OR1J2: variants seen among roughly 807,000 people sequenced by gnomAD.
OR1J2 encodes olfactory receptor 1J2.
For missense variants in OR1J2, 304 were observed against 246.1 expected, an observed-to-expected ratio of 1.24 and a Z score of -1.57; for synonymous variants, 142 against 99.7, an observed-to-expected ratio of 1.42 and a Z score of -2.52.
At chr9:122,559,674 T>G in the OR1J2 span, among the ~76,000 whole-genome samples, 3 of 145,172 alleles carry the variant, frequency 2.1e-5, no homozygotes, top group Non-Finnish European at 4.5e-5. Flanking sequence ...TTGATTTCAC[T>G]GTGGTCTGAG....
chr9:122,557,757 A>C, the OR1J2 span, among the ~76,000 whole-genome samples: 1 of 152,022 alleles, frequency 6.6e-6, no homozygotes. Flanking sequence ...CTCTATTTCC[A>C]TCTTCTAGAA....
the OR1J2 span, among the ~76,000 whole-genome samples, chr9:122,479,411 T>G: frequency 1.8e-4 from 27 of 152,362 alleles, no homozygotes; most frequent in African/African-American, 6.5e-4. Context: ...TTTATTGTTT[T>G]GTATCTCATT....
At chr9:122,491,292 C>T in the OR1J2 span, among the ~76,000 whole-genome samples, 1 of 151,880 alleles carries the variant, frequency 6.6e-6, no homozygotes, top group Admixed American at 6.6e-5. Context: ...ATCCATGAGA[C>T]AAATTTAGTA....
At chr9:122,451,945 G>T in the OR1J2 span, among the ~76,000 whole-genome samples, 5 of 152,108 alleles carry the variant, frequency 3.3e-5, no homozygotes, top group Admixed American at 2.0e-4. Context: ...GTAGTGCGGT[G>T]TTGGCTCACT....
the OR1J2 span, among the ~76,000 whole-genome samples, chr9:122,475,475 A>C: frequency 8.1e-4 from 124 of 152,310 alleles, no homozygotes; most frequent in Non-Finnish European, 1.4e-3. Context: ...AAGGAGAAAA[A>C]CAACCCTCTC....
At chr9:122,475,090 C>T in the OR1J2 span, 1 of 152,012 alleles carries the variant, frequency 6.6e-6, no homozygotes, top group African/African-American at 2.4e-5. Context: ...GAATACTTGG[C>T]AGGACAACAG....
Position 122,511,058 on chromosome 9 carries a change from G to A in OR1J2, c.257G>A (p.Arg86Gln), listed in dbSNP as rs769891533. Residue 86 changes from arginine (R) to glutamine (Q), a missense_variant, in exon 1 of 1, where the codon CGG becomes CAG. Transcript: ENST00000335302. Reference protein sequence around the residue: ...VTVPKMLMDMRTKYKSILYEE... With the variant: ...VTVPKMLMDMQTKYKSILYEE... The stretch of plus-strand genomic sequence containing the variant: ...GTCCCTAAGATGCTGATGGACATGC[G>A]GACTAAGTACAAATCGATCCTCTAT... The A allele has an allele frequency of 1.2e-5, 17 of 1,411,510 alleles. No homozygotes were observed. Among genetic ancestry groups the A allele is most frequent in the East Asian group, 4.6e-5 (2 of 43,788 alleles). The allele number at this position is 1,411,510 out of a possible 1,614,324, so 87.4% of individuals were successfully genotyped here.
chr9:122,513,526 A>ATT (rs11448781), downstream of OR1J2, among the ~76,000 whole-genome samples: 515 of 148,564 alleles, frequency 3.5e-3, 6 homozygotes, highest in African/African-American at 1.0e-2. Flanking sequence ...TTTCACAAGC[A>ATT]TTTTTTTTTT....
chr9:122,569,586 T>C, the OR1J2 span, among the ~76,000 whole-genome samples: 5 of 152,272 alleles, frequency 3.3e-5, no homozygotes, highest in Non-Finnish European at 5.9e-5. Context: ...ATATTGGTTA[T>C]TTATACATTT....
the OR1J2 span, among the ~76,000 whole-genome samples, chr9:122,555,938 T>G: frequency 6.6e-6 from 1 of 152,324 alleles, no homozygotes; most frequent in East Asian, 1.9e-4. Context: ...ATTCTGTGGG[T>G]TTTGACAAAT....
chr9:122,505,199 TA>T, the OR1J2 span, among the ~76,000 whole-genome samples: 2 of 152,142 alleles, frequency 1.3e-5, no homozygotes, highest in Admixed American at 6.5e-5. Flanking sequence ...CTAAGTAATT[TA>T]TAAAGAAAAA....
the OR1J2 span, among the ~76,000 whole-genome samples, chr9:122,503,510 A>G: frequency 6.6e-6 from 1 of 152,222 alleles, no homozygotes; most frequent in African/African-American, 2.4e-5. Context: ...TCCATTGTAC[A>G]CCACATTGGT....
chr9:122,556,632 T>C, the OR1J2 span, among the ~76,000 whole-genome samples: 1 of 152,090 alleles, frequency 6.6e-6, no homozygotes, highest in Non-Finnish European at 1.5e-5. Flanking sequence ...CATGTATACC[T>C]ATGTAACAAA....
the OR1J2 span, among the ~76,000 whole-genome samples, chr9:122,490,619 A>C: frequency 1.3e-5 from 2 of 152,164 alleles, no homozygotes; most frequent in African/African-American, 4.8e-5. Flanking sequence ...TGAAAGGGAG[A>C]GAAACAGAGG....
the OR1J2 span, among the ~76,000 whole-genome samples, chr9:122,470,295 G>T: frequency 7.9e-5 from 12 of 152,200 alleles, no homozygotes; most frequent in Non-Finnish European, 1.6e-4. Context: ...AGCTGAAAGG[G>T]GCCAACATAG....
the OR1J2 span, among the ~76,000 whole-genome samples, chr9:122,538,204 G>A: frequency 2.7e-5 from 4 of 150,480 alleles, no homozygotes; most frequent in Admixed American, 2.7e-4. Flanking sequence ...CCTGCAGGCT[G>A]TTCTTTAGTT....
the OR1J2 span, among the ~76,000 whole-genome samples, chr9:122,454,286 G>A: frequency 6.6e-6 from 1 of 152,192 alleles, no homozygotes; most frequent in Non-Finnish European, 1.5e-5. Flanking sequence ...GGGAGGCCGA[G>A]GTGGGTGGAT....
At chr9:122,464,768 T>G in the OR1J2 span, among the ~76,000 whole-genome samples, 4 of 152,242 alleles carry the variant, frequency 2.6e-5, no homozygotes, top group African/African-American at 7.2e-5. Context: ...TCTCTCAGAT[T>G]GCGTTCCCTC....
the OR1J2 span, among the ~76,000 whole-genome samples, chr9:122,530,014 A>G: frequency 3.9e-4 from 60 of 152,368 alleles, 1 homozygote; most frequent in East Asian, 0.011. Context: ...AGGATCAAGA[A>G]TAATGAATAC....
Sources: gnomAD v4.1 joint callset for allele counts (sites outside exome capture counted in the v4.1 genomes callset) on GRCh38, gnomAD v4.1.1 for gene constraint, MANE v1.5 for transcripts, NCBI Gene and HGNC (gene_info 2026-07-23, HGNC 2026-07-21) for gene names.